TRAPPC9: variants seen among roughly 807,000 people sequenced by gnomAD.
TRAPPC9 encodes the protein IKK2 binding protein.
Under a neutral mutation model 124.0 loss-of-function variants are expected in TRAPPC9, and 83 were observed. That is an observed-to-expected ratio of 0.67 (90% CI 0.56 to 0.80). TRAPPC9 has a LOEUF of 0.80. Ranked by LOEUF, TRAPPC9 falls within the 30% of genes least tolerant of loss-of-function variation. The probability of loss-of-function intolerance (pLI) is 0.00; values close to 1 mark genes in which losing one functional copy is unlikely to be tolerated. For synonymous variants in TRAPPC9, 638 were observed against 617.5 expected, an observed-to-expected ratio of 1.03 and a Z score of -0.49; for missense variants, 1,302 against 1,508.3, an observed-to-expected ratio of 0.86 and a Z score of 2.27.
chr8:140,151,125 C>T (rs1024047123), intron 17 of TRAPPC9, among the ~76,000 whole-genome samples: 2 of 152,038 alleles, frequency 1.3e-5, no homozygotes, highest in African/African-American at 2.4e-5. Context: ...GGATAAAGAA[C>T]GAGGGAAGGT....
At chr8:140,175,010 T>C (rs1284027575) in intron 17 of TRAPPC9, among the ~76,000 whole-genome samples, 1 of 151,840 alleles carries the variant, frequency 6.6e-6, no homozygotes, top group Non-Finnish European at 1.5e-5. Context: ...GATTTTTTTT[T>C]TTTTTTTTAC....
chr8:140,314,866 G>T (rs1009096743), intron 9 of TRAPPC9, among the ~76,000 whole-genome samples: 2 of 152,140 alleles, frequency 1.3e-5, no homozygotes, highest in African/African-American at 4.8e-5. Flanking sequence ...GGTTGATTCC[G>T]TATCTTGGCT....
In TRAPPC9 at chr8:140,085,580, C is replaced by T. The variant is rs192986412; in HGVS notation, c.2557-61501G>A. 1.2e-3 allele frequency among the ~76,000 whole-genome samples: 178 copies of T among 152,308 alleles called. 1 individual carries two copies. The highest frequency in any genetic ancestry group is 3.2e-3 in the African/African-American group (131 of 41,564). On this transcript the variant is annotated intron_variant, in intron 17 of 22. Coordinates refer to ENST00000438773, the MANE Select transcript of TRAPPC9 (RefSeq NM_001160372.4). ...CTCTGAGGACTGGGTTCACTGAAGC[C>T]GACGTGCTGGAGGGAGCCCAGGACT...
At chr8:140,070,347 T>A (rs7006397) in intron 17 of TRAPPC9, among the ~76,000 whole-genome samples, 27,543 of 152,168 alleles carry the variant, frequency 0.18, 3,438 homozygotes, top group African/African-American at 0.35. Context: ...CCAACTTACA[T>A]TGGCAACAGA....
At chr8:139,738,635 T>C (rs1259659200) in intron 21 of TRAPPC9, among the ~76,000 whole-genome samples, 1 of 152,194 alleles carries the variant, frequency 6.6e-6, no homozygotes, top group Admixed American at 6.5e-5. Context: ...GATCAGACTC[T>C]GGACCCCAGA....
At chr8:140,226,182 T>A (rs967453223) in intron 16 of TRAPPC9, among the ~76,000 whole-genome samples, 1 of 152,110 alleles carries the variant, frequency 6.6e-6, no homozygotes, top group African/African-American at 2.4e-5. Context: ...ACAGTGTGTA[T>A]CCAGAGAACA....
rs376459588 is a variant in TRAPPC9, at chr8:139,833,284, C to T, written c.3055+52595G>A. ...AAACCTATAGCCCCCTTCCCCCAGC[C>T]GACTTCCCCTTCCTTAGCTTTAAGA... On this transcript the variant is annotated intron_variant, in intron 21 of 22. Coordinates refer to ENST00000438773, the MANE Select transcript of TRAPPC9 (RefSeq NM_001160372.4). Among the ~76,000 whole-genome samples, 209 of 152,308 alleles carry T rather than the reference C, an allele frequency of 1.4e-3. 5 individuals are homozygous for T. The South Asian group carries it at 0.039, about 29-fold the overall frequency.
At chr8:140,004,465 A>G (rs922899201) in intron 18 of TRAPPC9, among the ~76,000 whole-genome samples, 8 of 152,340 alleles carry the variant, frequency 5.3e-5, no homozygotes, top group Admixed American at 3.3e-4. Context: ...TAATGGCTAT[A>G]ACATCATAAG....
chr8:140,374,159 CA>C, intron 7 of TRAPPC9, among the ~76,000 whole-genome samples: 1 of 152,304 alleles, frequency 6.6e-6, no homozygotes, highest in East Asian at 1.9e-4. Context: ...CGTGAATATT[CA>C]AATTTGAGTA....
At chr8:139,957,024 G>A (rs1835032994) in intron 19 of TRAPPC9, among the ~76,000 whole-genome samples, 1 of 152,252 alleles carries the variant, frequency 6.6e-6, no homozygotes, top group South Asian at 2.1e-4. Context: ...CTTCCTCAGA[G>A]ACAGCAAAAT....
At chr8:140,434,678 C>T (rs541977918) in intron 4 of TRAPPC9, among the ~76,000 whole-genome samples, 1 of 152,230 alleles carries the variant, frequency 6.6e-6, no homozygotes, top group South Asian at 2.1e-4. Flanking sequence ...ATGTCTCATA[C>T]AAGATTTCTG....
At chr8:139,969,023 T>TTG (rs1442571515) in intron 19 of TRAPPC9, among the ~76,000 whole-genome samples, 3 of 152,304 alleles carry the variant, frequency 2.0e-5, no homozygotes, top group Non-Finnish European at 2.9e-5. Flanking sequence ...AGTCATGGTT[T>TTG]TGTGTGTGTG....
intron 17 of TRAPPC9, among the ~76,000 whole-genome samples, chr8:140,123,740 C>T (rs1441571158): frequency 1.3e-5 from 2 of 152,230 alleles, no homozygotes; most frequent in African/African-American, 2.4e-5. Flanking sequence ...TAAGAACAAT[C>T]GGTGTCTGTT....
chr8:139,868,566 A>G (rs753129424), intron 21 of TRAPPC9, among the ~76,000 whole-genome samples: 22 of 152,192 alleles, frequency 1.4e-4, no homozygotes, highest in Non-Finnish European at 3.2e-4. Context: ...GGAAATATAA[A>G]TATATTGGGA....
chr8:140,278,503 C>A (rs1469369094), intron 14 of TRAPPC9, among the ~76,000 whole-genome samples: 3 of 152,216 alleles, frequency 2.0e-5, no homozygotes, highest in Non-Finnish European at 2.9e-5. Context: ...AATTAATAAG[C>A]ATCTCAAACT....
chr8:139,826,991 C>T (rs535896280), intron 21 of TRAPPC9, among the ~76,000 whole-genome samples: 3 of 152,320 alleles, frequency 2.0e-5, no homozygotes, highest in Non-Finnish European at 2.9e-5. Flanking sequence ...GACTGCTTGC[C>T]GGTCCATCTT....
intron 21 of TRAPPC9, among the ~76,000 whole-genome samples, chr8:139,799,383 T>C (rs1358173947): frequency 1.3e-5 from 2 of 152,172 alleles, no homozygotes; most frequent in African/African-American, 4.8e-5. Flanking sequence ...AGGACATGCC[T>C]ATCTTTTGGA....
At chr8:140,286,556 C>T (rs1233837235) in intron 13 of TRAPPC9, among the ~76,000 whole-genome samples, 1 of 152,102 alleles carries the variant, frequency 6.6e-6, no homozygotes. Flanking sequence ...TCTCAGGAAG[C>T]ACTGAGGGAG....
At chr8:140,143,613 T>A (rs2130786609) in intron 17 of TRAPPC9, among the ~76,000 whole-genome samples, 1 of 152,344 alleles carries the variant, frequency 6.6e-6, no homozygotes, top group Non-Finnish European at 1.5e-5. Context: ...AAGAAACTCT[T>A]TCCTACCCCA....
Sources: gnomAD v4.1 joint callset for allele counts (sites outside exome capture counted in the v4.1 genomes callset) on GRCh38, gnomAD v4.1.1 for gene constraint, MANE v1.5 for transcripts, NCBI Gene and HGNC (gene_info 2026-07-23, HGNC 2026-07-21) for gene names.